Variants in PI4K2A observed in about 807,000 individuals in gnomAD.
The protein encoded by PI4K2A is phosphatidylinositol 4-kinase type 2 alpha.
In PI4K2A, 20 loss-of-function variants were observed where a neutral mutation model predicts 55.0. The observed-to-expected ratio is 0.36, with a 90% confidence interval of 0.26 to 0.53. PI4K2A has a LOEUF of 0.53. Among genes scored for constraint, PI4K2A ranks in the 20% least tolerant of loss-of-function variants. The probability of loss-of-function intolerance (pLI) is 0.91; values close to 1 mark genes in which losing one functional copy is unlikely to be tolerated. For missense variants in PI4K2A, 463 were observed against 637.1 expected (o/e 0.73, Z 2.94); for synonymous variants, 235 against 258.5 (o/e 0.91, Z 0.87).
At chr10:97,652,717 G>T (rs900623624) in intron 2 of PI4K2A, among the ~76,000 whole-genome samples, 1 of 152,182 alleles carries the variant, frequency 6.6e-6, no homozygotes. Flanking sequence ...ATTTAACCAT[G>T]TCTGCTCCTT....
chr10:97,647,690 C>T (rs769136041), intron 1 of PI4K2A, among the ~76,000 whole-genome samples: 7 of 152,134 alleles, frequency 4.6e-5, no homozygotes, highest in Non-Finnish European at 7.4e-5. Flanking sequence ...TGTCTGAATG[C>T]CCTTTTGTTC....
chr10:97,661,145 C>T (rs1004863634), intron 4 of PI4K2A, among the ~76,000 whole-genome samples: 21 of 152,170 alleles, frequency 1.4e-4, no homozygotes, highest in African/African-American at 4.6e-4. Context: ...GCGCCCGCCA[C>T]CACACCCGGC....
chr10:97,652,097 AAATT>A (rs890371247), intron 2 of PI4K2A, among the ~76,000 whole-genome samples: 2 of 152,138 alleles, frequency 1.3e-5, no homozygotes, highest in Non-Finnish European at 2.9e-5. Context: ...AACTAAAACT[AAATT>A]TATTTAGTTA....
At chr10:97,648,655 C>T (rs1019767794) in intron 1 of PI4K2A, among the ~76,000 whole-genome samples, 1 of 152,186 alleles carries the variant, frequency 6.6e-6, no homozygotes, top group Non-Finnish European at 1.5e-5. Context: ...GTTGAACTGA[C>T]TGTTGCGTTC....
intron 1 of PI4K2A, among the ~76,000 whole-genome samples, chr10:97,645,695 T>C (rs1003858805): frequency 6.6e-6 from 1 of 151,464 alleles, no homozygotes; most frequent in African/African-American, 2.4e-5. Flanking sequence ...CTTAACGTTT[T>C]AGTAAAATAA....
chr10:97,662,699 C>A (rs1440159331), intron 4 of PI4K2A, among the ~76,000 whole-genome samples: 1 of 152,166 alleles, frequency 6.6e-6, no homozygotes, highest in Non-Finnish European at 1.5e-5. Context: ...CATGGATTTC[C>A]TTTCTCTCCC....
At chr10:97,662,307 C>A (rs142836265) in intron 4 of PI4K2A, among the ~76,000 whole-genome samples, 1 of 151,862 alleles carries the variant, frequency 6.6e-6, no homozygotes, top group East Asian at 1.9e-4. Context: ...CTTTGTGTAC[C>A]TGGTTGTTTT....
chr10:97,656,815 T>C lies in PI4K2A; in HGVS notation c.769-6T>C, dbSNP rs1478846323. 1 of 1,614,110 alleles carries C rather than the reference T, an allele frequency of 6.2e-7. No homozygotes were observed. Among genetic ancestry groups the C allele is most frequent in the South Asian group, 1.1e-5 (1 of 91,074 alleles). On this transcript the variant is annotated splice_polypyrimidine_tract_variant and splice_region_variant and intron_variant, in intron 3 of 8. Transcript: ENST00000370631. The surrounding 1 kb of genome is among the most constrained non-coding windows in gnomAD (Gnocchi z 4.5). ...AAAAACCTTTGTTCCTTCCTCTTGG[T>C]TCCAGGTTGGTTCATTCCAGCTCTT...
intron 8 of PI4K2A, 128 bp downstream of exon 8, chr10:97,667,248 C>CTCAAA: frequency 1.5e-6 from 1 of 653,580 alleles, no homozygotes; most frequent in Non-Finnish European, 2.7e-6. Context: ...CTCACTCTGT[C>CTCAAA]ACCCAGGCTA....
chr10:97,651,178 CCA>C (rs2041528546), intron 2 of PI4K2A, 37 bp downstream of exon 2: 2 of 1,512,418 alleles, frequency 1.3e-6, no homozygotes, highest in African/African-American at 1.4e-5. Context: ...TACTGCCTGG[CCA>C]CAGTTTTCCT....
Position 97,641,266 on chromosome 10 carries a change from G to T in PI4K2A, c.435+89G>T, listed in dbSNP as rs913408880. 19 of 958,322 alleles carry T rather than the reference G, an allele frequency of 2.0e-5. No homozygotes were observed. The South Asian group carries it at 2.8e-4, about 14-fold the overall frequency. 59.4% of individuals were successfully genotyped at this position (958,322 alleles called of 1,614,324 possible). ...GGGCTTCGCACAGCCAGAGGGAAAA[G>T]GGAGAAACTTCACAGTACCAGCCCC... On this transcript the variant is annotated intron_variant, in intron 1 of 8. Transcript: ENST00000370631.
chr10:97,667,288 C>T (rs1275998470), intron 8 of PI4K2A, among the ~76,000 whole-genome samples, 168 bp downstream of exon 8: 2 of 152,060 alleles, frequency 1.3e-5, no homozygotes, highest in Non-Finnish European at 2.9e-5. Context: ...CTGCTCACTG[C>T]AACCTCCACC....
At chr10:97,669,527 A>G (rs1021964084) in intron 8 of PI4K2A, among the ~76,000 whole-genome samples, 3 of 152,088 alleles carry the variant, frequency 2.0e-5, no homozygotes, top group Admixed American at 2.0e-4. Context: ...TCTTCAGAGG[A>G]GCTTTTGGTA....
At chr10:97,648,338 C>T (rs1417425245) in intron 1 of PI4K2A, among the ~76,000 whole-genome samples, 1 of 151,954 alleles carries the variant, frequency 6.6e-6, no homozygotes, top group African/African-American at 2.4e-5. Flanking sequence ...GTGATCCACC[C>T]TCCTTGGCCT....
intron 1 of PI4K2A, among the ~76,000 whole-genome samples, chr10:97,641,676 C>T (rs2041470565): frequency 6.6e-6 from 1 of 152,256 alleles, no homozygotes; most frequent in South Asian, 2.1e-4. Context: ...CTGCCACCGT[C>T]CCAGCTCTTA....
At chr10:97,646,727 G>A (rs1203846494) in intron 1 of PI4K2A, among the ~76,000 whole-genome samples, 1 of 152,078 alleles carries the variant, frequency 6.6e-6, no homozygotes, top group East Asian at 1.9e-4. Context: ...CCTTGTCATT[G>A]CTGATTAGAT....
At chr10:97,665,177 C>T (rs977134285) in intron 6 of PI4K2A, among the ~76,000 whole-genome samples, 193 bp downstream of exon 6, 4 of 152,110 alleles carry the variant, frequency 2.6e-5, no homozygotes, top group African/African-American at 2.4e-5. Flanking sequence ...TAATTTTTGT[C>T]TTCTATGATT....
At chr10:97,660,902 T>G (rs1264081981) in intron 4 of PI4K2A, among the ~76,000 whole-genome samples, 1 of 150,716 alleles carries the variant, frequency 6.6e-6, no homozygotes, top group Admixed American at 6.6e-5. Flanking sequence ...TTATGTAAGG[T>G]CTCACTTCCT....
chr10:97,655,720 G>A (rs186428433), intron 2 of PI4K2A, among the ~76,000 whole-genome samples: 3 of 152,080 alleles, frequency 2.0e-5, no homozygotes, highest in Non-Finnish European at 4.4e-5. Context: ...GATTACAGAC[G>A]TGCACCACCA....
Sources: gnomAD v4.1 joint callset for allele counts (sites outside exome capture counted in the v4.1 genomes callset) on GRCh38, gnomAD v4.1.1 for gene constraint, Gnocchi (gnomAD v3.1) non-coding constraint, MANE v1.5 for transcripts, NCBI Gene and HGNC (gene_info 2026-07-23, HGNC 2026-07-21) for gene names.